MED12L: variants seen among roughly 807,000 people sequenced by gnomAD.
MED12L encodes the protein mediator complex subunit 12L.
A neutral mutation model predicts 281.3 loss-of-function variants in MED12L; 60 were observed. The observed-to-expected ratio is 0.21, with a 90% CI of 0.17 to 0.26. The LOEUF (loss-of-function observed/expected upper bound fraction) is 0.26, where lower values mean the gene tolerates loss of function less well. Among genes scored for constraint, MED12L ranks in the 10% least tolerant of loss-of-function variants. The pLI is 1.00. For synonymous variants in MED12L, 974 were observed against 987.2 expected, an observed-to-expected ratio of 0.99 and a Z score of 0.25; for missense variants, 2,146 against 2,680.9, an observed-to-expected ratio of 0.80 and a Z score of 4.41.
chr3:151,169,583 T>TC (rs1462598550), intron 11 of MED12L, among the ~76,000 whole-genome samples: 1 of 152,152 alleles, frequency 6.6e-6, no homozygotes, highest in Non-Finnish European at 1.5e-5. Context: ...GCCCTTTTTT[T>TC]CTCTAAGGAA....
At chr3:151,235,586 C>T (rs141406256) in intron 16 of MED12L, among the ~76,000 whole-genome samples, 51 of 152,026 alleles carry the variant, frequency 3.4e-4, no homozygotes, top group African/African-American at 6.8e-4. Context: ...CCCAGTTACG[C>T]GGGAGGCTGA....
intron 3 of MED12L, among the ~76,000 whole-genome samples, chr3:151,118,497 G>A (rs1429977270): frequency 6.6e-5 from 10 of 152,076 alleles, no homozygotes; most frequent in Non-Finnish European, 1.3e-4. Context: ...CCGCAATTAT[G>A]TATATGTAAT....
At chr3:151,385,718 GGGGA>G (rs1426470408) in intron 36 of MED12L, among the ~76,000 whole-genome samples, 16 of 134,334 alleles carry the variant, frequency 1.2e-4, no homozygotes, top group African/African-American at 3.8e-4. Context: ...GTCTCTGGGG[GGGGA>G]AAAAAAAAAA....
At chr3:151,295,186 ACT>A (rs1744920142) in intron 16 of MED12L, 2 of 1,609,614 alleles carry the variant, frequency 1.2e-6, no homozygotes, top group Non-Finnish European at 1.7e-6. Context: ...CTGAATTGTG[ACT>A]CTCTTGGCCG....
chr3:151,384,807 A>G (rs1560109024), intron 35 of MED12L: 5 of 469,780 alleles, frequency 1.1e-5, no homozygotes, highest in Non-Finnish European at 1.1e-5. Flanking sequence ...GTTGTGTAAC[A>G]ACAGTGCCTT....
intron 39 of MED12L, among the ~76,000 whole-genome samples, chr3:151,397,506 C>CATGT (rs1194499938): frequency 6.6e-6 from 1 of 152,096 alleles, no homozygotes; most frequent in Non-Finnish European, 1.5e-5. Context: ...CTCAATAGAT[C>CATGT]ATGTATAAGC....
chr3:151,096,263 T>C (rs370029136), intron 2 of MED12L, among the ~76,000 whole-genome samples: 1 of 152,208 alleles, frequency 6.6e-6, no homozygotes, highest in African/African-American at 2.4e-5. Flanking sequence ...GCTATCCTCA[T>C]GGTTTAAGCC....
At chr3:151,327,749 A>T in intron 16 of MED12L, 2 of 327,636 alleles carry the variant, frequency 6.1e-6, no homozygotes, top group East Asian at 4.8e-5. Flanking sequence ...AAAAAAAAAA[A>T]GAAAGAAAGA....
intron 16 of MED12L, among the ~76,000 whole-genome samples, chr3:151,320,808 G>A (rs917697808): frequency 5.3e-5 from 8 of 152,086 alleles, no homozygotes; most frequent in Non-Finnish European, 7.4e-5. Flanking sequence ...GGCAGTGTCC[G>A]GCTGTGACAA....
intron 16 of MED12L, among the ~76,000 whole-genome samples, chr3:151,290,727 C>T (rs1393254863): frequency 6.6e-6 from 1 of 151,716 alleles, no homozygotes; most frequent in Non-Finnish European, 1.5e-5. Flanking sequence ...TAGGCAGCTG[C>T]AGGATACACA....
chr3:151,369,261 G>A (rs1413642766), intron 25 of MED12L, among the ~76,000 whole-genome samples, 175 bp from the exon 26 acceptor site: 2 of 152,144 alleles, frequency 1.3e-5, no homozygotes, highest in African/African-American at 4.8e-5. Context: ...AAAAGAAAAG[G>A]ATAAGTGAGG....
intron 16 of MED12L, chr3:151,213,417 C>A: frequency 1.2e-6 from 2 of 1,614,094 alleles, no homozygotes; most frequent in Non-Finnish European, 1.7e-6. Flanking sequence ...CCCTAAACGG[C>A]TGGCATAGAA....
chr3:151,252,352 C>T (rs1205490807), intron 16 of MED12L, among the ~76,000 whole-genome samples: 1 of 152,052 alleles, frequency 6.6e-6, no homozygotes, highest in African/African-American at 2.4e-5. Flanking sequence ...TATCCTATTG[C>T]TCATGGTCAT....
At chr3:151,336,767 A>G (rs1197900792) in intron 16 of MED12L, 5 of 313,974 alleles carry the variant, frequency 1.6e-5, no homozygotes, top group Non-Finnish European at 3.1e-5. Context: ...TAATTCTTAA[A>G]TGGATTTGAT....
Position 151,386,438 on chromosome 3 carries a change from G to A in MED12L, c.5088+1247G>A, listed in dbSNP as rs141560411. Among the ~76,000 whole-genome samples the A allele has an allele frequency of 7.9e-4, 120 of 152,228 alleles. 1 individual carries two copies. Among genetic ancestry groups the A allele is most frequent in the African/African-American group, 2.9e-3 (120 of 41,548 alleles). On this transcript the variant is annotated intron_variant, in intron 36 of 44. Coordinates refer to ENST00000687756, the MANE Select transcript of MED12L (RefSeq NM_001393769.1). The stretch of plus-strand genomic sequence containing the variant: ...GGAATCTCGCTCTGTCGCCCAGGCT[G>A]GAGTGCAGTAGTGCGATCTTTGCTC...
At chr3:151,087,054 C>T (rs755895949) in intron 2 of MED12L, 29 bp downstream of exon 2, 2 of 1,564,224 alleles carry the variant, frequency 1.3e-6, no homozygotes, top group Admixed American at 3.6e-5. Flanking sequence ...TCCCCGGCAA[C>T]CGGGGCCGCG....
At chr3:151,204,263 C>T (rs1053777584) in intron 16 of MED12L, among the ~76,000 whole-genome samples, 2 of 152,022 alleles carry the variant, frequency 1.3e-5, no homozygotes, top group African/African-American at 4.8e-5. Context: ...TTTCCAGGAT[C>T]TAAAATTAAT....
At chr3:151,393,042 G>T (rs923265683) in intron 38 of MED12L, among the ~76,000 whole-genome samples, 3 of 152,094 alleles carry the variant, frequency 2.0e-5, no homozygotes, top group African/African-American at 4.8e-5. Context: ...TTGATCTTCT[G>T]TTTTTTTCCA....
intron 16 of MED12L, among the ~76,000 whole-genome samples, chr3:151,333,516 G>A (rs1750583692): frequency 6.6e-6 from 1 of 152,152 alleles, no homozygotes; most frequent in Non-Finnish European, 1.5e-5. Context: ...TTTAAAATCA[G>A]TTATGCTACA....
Sources: gnomAD v4.1 joint callset for allele counts (sites outside exome capture counted in the v4.1 genomes callset) on GRCh38, gnomAD v4.1.1 for gene constraint, MANE v1.5 for transcripts, NCBI Gene and HGNC (gene_info 2026-07-23, HGNC 2026-07-21) for gene names.